Variants in EPB41L5 observed in about 807,000 individuals in gnomAD.
EPB41L5 encodes the protein band 4.1-like protein 5.
EPB41L5 carries 55 observed loss-of-function variants against 106.6 expected under a neutral mutation model. That is an observed-to-expected ratio of 0.52 (90% confidence interval 0.42 to 0.65). The LOEUF (loss-of-function observed/expected upper bound fraction) is 0.65, where lower values mean the gene tolerates loss of function less well. Among genes scored for constraint, EPB41L5 ranks in the 30% least tolerant of loss-of-function variants. EPB41L5 has a pLI of 0.00. For missense variants in EPB41L5, 871 were observed against 882.1 expected (o/e 0.99, Z 0.16); for synonymous variants, 297 against 306.7 (o/e 0.97, Z 0.33).
chr2:120,172,975 G>A (rs1449817986), intron 24 of EPB41L5, among the ~76,000 whole-genome samples: 2 of 152,072 alleles, frequency 1.3e-5, no homozygotes, highest in African/African-American at 4.8e-5. Flanking sequence ...ATAGAAAACT[G>A]AGAAGTACTC....
intron 10 of EPB41L5, among the ~76,000 whole-genome samples, chr2:120,083,901 T>G (rs1682872501): frequency 6.6e-6 from 1 of 152,252 alleles, no homozygotes; most frequent in South Asian, 2.1e-4. Flanking sequence ...AGGTCTGTTT[T>G]ATCAGAGACT....
At chr2:120,168,348 C>T (rs1687510945) in intron 24 of EPB41L5, among the ~76,000 whole-genome samples, 1 of 152,118 alleles carries the variant, frequency 6.6e-6, no homozygotes, top group Non-Finnish European at 1.5e-5. Context: ...AATGATGGTG[C>T]CCGTCAACAC....
intron 1 of EPB41L5, among the ~76,000 whole-genome samples, chr2:120,018,708 G>T (rs1427744270): frequency 6.6e-6 from 1 of 151,866 alleles, no homozygotes; most frequent in Non-Finnish European, 1.5e-5. Flanking sequence ...ATGCAGTGGC[G>T]CAATCCCAGC....
At chr2:120,100,859 T>TAA in intron 16 of EPB41L5, 45 bp downstream of exon 16, 3 of 1,293,018 alleles carry the variant, frequency 2.3e-6, no homozygotes, top group Non-Finnish European at 3.3e-6. Flanking sequence ...CCTAGTTAAT[T>TAA]GTATTTGGAA....
At chr2:120,102,511 G>A (rs1456091324) in intron 16 of EPB41L5, among the ~76,000 whole-genome samples, 1 of 152,060 alleles carries the variant, frequency 6.6e-6, no homozygotes, top group Admixed American at 6.5e-5. Flanking sequence ...TATGTGTTCT[G>A]CATTTCATTC....
intron 10 of EPB41L5, 129 bp downstream of exon 10, chr2:120,078,710 C>G: frequency 1.7e-6 from 1 of 580,218 alleles, no homozygotes; most frequent in Non-Finnish European, 3.0e-6. Flanking sequence ...CAACTGTCTC[C>G]TGTCACACTA....
At chr2:120,083,806 T>G (rs1173445768) in intron 10 of EPB41L5, among the ~76,000 whole-genome samples, 1 of 152,236 alleles carries the variant, frequency 6.6e-6, no homozygotes, top group Non-Finnish European at 1.5e-5. Flanking sequence ...CACATATATT[T>G]AGGATAGTTA....
At chr2:120,110,303 T>TA (rs1382660607) in intron 16 of EPB41L5, among the ~76,000 whole-genome samples, 1 of 152,224 alleles carries the variant, frequency 6.6e-6, no homozygotes, top group Non-Finnish European at 1.5e-5. Context: ...CCATTGTTTT[T>TA]AATCCCCTTT....
chr2:120,080,958 GT>G (rs1318880291), intron 10 of EPB41L5, among the ~76,000 whole-genome samples: 1 of 150,526 alleles, frequency 6.6e-6, no homozygotes, highest in East Asian at 1.9e-4. Flanking sequence ...GGGGTTGTTT[GT>G]TTTTTTTTCT....
chr2:120,142,116 A>ATT (rs1558902664), intron 18 of EPB41L5, among the ~76,000 whole-genome samples: 60 of 17,094 alleles, frequency 3.5e-3, no homozygotes, highest in African/African-American at 4.7e-3. Flanking sequence ...TCTTTTTTAA[A>ATT]AAAAAAAAAA....
At chr2:120,087,050 G>A (rs986098647) in intron 10 of EPB41L5, 121 bp from the exon 11 acceptor site, 20 of 580,114 alleles carry the variant, frequency 3.4e-5, no homozygotes, top group African/African-American at 2.5e-4. Flanking sequence ...TACGTTTACC[G>A]TCCTGTCAAT....
At chr2:120,061,231 T>TA (rs1681043805) in intron 3 of EPB41L5, among the ~76,000 whole-genome samples, 1 of 147,990 alleles carries the variant, frequency 6.8e-6, no homozygotes, top group South Asian at 2.2e-4. Context: ...TTTTTTTATT[T>TA]TTTTTTTTTG....
intron 21 of EPB41L5, among the ~76,000 whole-genome samples, chr2:120,164,122 A>G (rs1355429788): frequency 6.6e-6 from 1 of 151,306 alleles, no homozygotes; most frequent in Non-Finnish European, 1.5e-5. Context: ...AGCTGGGACT[A>G]TAGGTGCCCG....
At chr2:120,167,699 A>G (rs1324881120) in intron 23 of EPB41L5, among the ~76,000 whole-genome samples, 178 bp from the exon 24 acceptor site, 1 of 152,268 alleles carries the variant, frequency 6.6e-6, no homozygotes, top group Non-Finnish European at 1.5e-5. Context: ...GGATGCTGGC[A>G]GAAACAAAAG....
chr2:120,067,438 T>C (rs1530531), intron 3 of EPB41L5, among the ~76,000 whole-genome samples: 105,595 of 152,060 alleles, frequency 0.69, 38,028 homozygotes, highest in Non-Finnish European at 0.79. Flanking sequence ...TGAAAGCATG[T>C]CAGAGAGAAC....
intron 16 of EPB41L5, among the ~76,000 whole-genome samples, chr2:120,107,460 T>C (rs1400844640): frequency 9.2e-5 from 14 of 152,200 alleles, no homozygotes; most frequent in Admixed American, 9.2e-4. Flanking sequence ...ATATGTGTTA[T>C]ACCACATCAT....
chr2:120,143,425 A>C (rs888867612), intron 19 of EPB41L5, among the ~76,000 whole-genome samples: 1 of 152,170 alleles, frequency 6.6e-6, no homozygotes, highest in African/African-American at 2.4e-5. Flanking sequence ...ACTATTCCCC[A>C]CAACCCATCT....
At chr2:120,104,480 G>A in intron 16 of EPB41L5, 1 of 1,169,926 alleles carries the variant, frequency 8.5e-7, no homozygotes, top group Non-Finnish European at 1.1e-6. Context: ...ATACCATTGT[G>A]GTTTTGGAAG....
rs113756975 is a variant in EPB41L5, at chr2:120,148,984, A to G, written c.1793+2695A>G. 7.7e-3 allele frequency among the ~76,000 whole-genome samples: 1,173 copies of G among 152,292 alleles called. 17 individuals are homozygous for G. Among genetic ancestry groups the G allele is most frequent in the African/African-American group, 0.025 (1,049 of 41,572 alleles). On this transcript the variant is annotated intron_variant, in intron 20 of 24. Transcript: ENST00000263713. ...GTAACATTTTTCATTCTTACCAGCA[A>G]TGTATGAGGATTCCAATTTCTCCGT...
Sources: gnomAD v4.1 joint callset for allele counts (sites outside exome capture counted in the v4.1 genomes callset) on GRCh38, gnomAD v4.1.1 for gene constraint, MANE v1.5 for transcripts, NCBI Gene and HGNC (gene_info 2026-07-23, HGNC 2026-07-21) for gene names.